Variants in CFAP299 observed in about 807,000 individuals in gnomAD.
CFAP299 encodes cilia and flagella associated protein 299.
CFAP299 carries 21 observed loss-of-function variants against 27.0 expected under a neutral mutation model. That is an observed-to-expected ratio of 0.78 (90% CI 0.55 to 1.12). The LOEUF is 1.12. Ranked by LOEUF, CFAP299 falls within the 50% of genes most tolerant of loss-of-function variation. The pLI, the probability that CFAP299 is intolerant of heterozygous loss-of-function variation, is 0.00. For synonymous variants in CFAP299, 104 were observed against 98.1 expected (o/e 1.06, Z -0.36); for missense variants, 310 against 276.6 (o/e 1.12, Z -0.86).
chr4:80,861,109 C>T (rs948773632), intron 3 of CFAP299, among the ~76,000 whole-genome samples: 4 of 152,222 alleles, frequency 2.6e-5, no homozygotes, highest in African/African-American at 7.2e-5. Flanking sequence ...CAAGCCTGGA[C>T]AATGGCGGGC....
chr4:80,562,693 TAAC>T (rs1553934468), intron 2 of CFAP299, among the ~76,000 whole-genome samples: 16 of 128,620 alleles, frequency 1.2e-4, no homozygotes, highest in African/African-American at 1.5e-4. Context: ...ATAATAATAA[TAAC>T]AACAACAACA....
At chr4:80,536,838 G>A (rs1031526624) in intron 2 of CFAP299, among the ~76,000 whole-genome samples, 15 of 151,922 alleles carry the variant, frequency 9.9e-5, no homozygotes, top group African/African-American at 3.4e-4. Context: ...TAAAACCCAG[G>A]CAGCAACAGC....
intron 3 of CFAP299, among the ~76,000 whole-genome samples, chr4:80,618,938 C>T (rs886204377): frequency 1.3e-5 from 2 of 151,848 alleles, no homozygotes; most frequent in Non-Finnish European, 2.9e-5. Context: ...GAAAACCGTG[C>T]TAAAATTATT....
intron 4 of CFAP299, chr4:80,871,723 C>T (rs1733107284): frequency 1.4e-6 from 1 of 729,928 alleles, no homozygotes; most frequent in African/African-American, 1.9e-5. Flanking sequence ...TATCTCATTT[C>T]ACCTGCAAAC....
At chr4:80,695,018 C>G (rs1419479444) in intron 3 of CFAP299, among the ~76,000 whole-genome samples, 1 of 152,140 alleles carries the variant, frequency 6.6e-6, no homozygotes, top group African/African-American at 2.4e-5. Flanking sequence ...CTAACAAACC[C>G]TTTACACTCT....
rs1174909337 is a variant in CFAP299, at chr4:80,558,358, G to GT, written c.243-24732dup. Among the ~76,000 whole-genome samples, 145 of 121,666 alleles carry GT rather than the reference G, an allele frequency of 1.2e-3. 2 individuals are homozygous for GT. Among genetic ancestry groups the GT allele is most frequent in the African/African-American group, 4.3e-3 (130 of 30,110 alleles). The allele number at this position is 121,666 out of a possible 152,430, so 79.8% of individuals were successfully genotyped here. On this transcript the variant is annotated intron_variant, in intron 2 of 5. Transcript: ENST00000358105. ...TTGTGGTTTTTTTGTTTGTTTGTTT[G>GT]TTTGTTTGTTTTTTTTTTGGCCAGG... is the stretch of plus-strand genomic sequence containing the variant.
intron 3 of CFAP299, among the ~76,000 whole-genome samples, chr4:80,600,272 T>C (rs542253321): frequency 6.6e-6 from 1 of 152,254 alleles, no homozygotes; most frequent in East Asian, 1.9e-4. Context: ...CTGATATAAC[T>C]AGTCCAAAGA....
intron 2 of CFAP299, among the ~76,000 whole-genome samples, chr4:80,427,575 A>G (rs1484017646): frequency 6.6e-6 from 1 of 152,180 alleles, no homozygotes; most frequent in Non-Finnish European, 1.5e-5. Flanking sequence ...TGTGATATGC[A>G]CATTTCTGTA....
intron 2 of CFAP299, among the ~76,000 whole-genome samples, chr4:80,364,063 G>A (rs180982214): frequency 0.036 from 1,284 of 36,160 alleles, 24 homozygotes; most frequent in African/African-American, 0.2. Flanking sequence ...CTCCAGCCTG[G>A]GCAACAGAGC....
intron 2 of CFAP299, among the ~76,000 whole-genome samples, chr4:80,510,269 G>A (rs1732232280): frequency 6.6e-6 from 1 of 152,126 alleles, no homozygotes; most frequent in African/African-American, 2.4e-5. Flanking sequence ...TTACAAGAAG[G>A]ATTTAGTGGA....
intron 3 of CFAP299, among the ~76,000 whole-genome samples, chr4:80,766,657 C>T (rs1425154137): frequency 6.6e-6 from 1 of 152,064 alleles, no homozygotes; most frequent in African/African-American, 2.4e-5. Context: ...TCCTTTGTTC[C>T]CTTTACTATA....
chr4:80,894,914 G>A (rs1734540217), intron 4 of CFAP299, among the ~76,000 whole-genome samples: 1 of 151,756 alleles, frequency 6.6e-6, no homozygotes, highest in Admixed American at 6.6e-5. Flanking sequence ...GACACAGGAA[G>A]AAAAATACTG....
intron 2 of CFAP299, among the ~76,000 whole-genome samples, chr4:80,514,092 G>T (rs774233731): frequency 3.3e-5 from 5 of 151,800 alleles, no homozygotes; most frequent in Admixed American, 2.6e-4. Flanking sequence ...GTGTTTTTTT[G>T]TTTGTTTGTT....
intron 2 of CFAP299, among the ~76,000 whole-genome samples, chr4:80,572,664 T>A (rs1331247597): frequency 6.6e-6 from 1 of 151,584 alleles, no homozygotes; most frequent in Non-Finnish European, 1.5e-5. Flanking sequence ...ATTACAGACA[T>A]GCGTCACCAC....
At chr4:80,478,103 T>G (rs758078044) in intron 2 of CFAP299, among the ~76,000 whole-genome samples, 1 of 152,228 alleles carries the variant, frequency 6.6e-6, no homozygotes, top group African/African-American at 2.4e-5. Flanking sequence ...TCCTTCCTCA[T>G]ATATTATTTA....
chr4:80,679,096 C>T (rs1181366888), intron 3 of CFAP299, among the ~76,000 whole-genome samples: 1 of 152,048 alleles, frequency 6.6e-6, no homozygotes, highest in African/African-American at 2.4e-5. Flanking sequence ...CTCTGTTAAC[C>T]TCTAGGCTGC....
intron 3 of CFAP299, among the ~76,000 whole-genome samples, chr4:80,672,535 G>A (rs1027381695): frequency 6.6e-6 from 1 of 152,184 alleles, no homozygotes; most frequent in African/African-American, 2.4e-5. Context: ...AGTTAGGGAG[G>A]ATTCCCTCTT....
intron 2 of CFAP299, among the ~76,000 whole-genome samples, chr4:80,397,192 T>C (rs1471704586): frequency 6.6e-6 from 1 of 152,180 alleles, no homozygotes; most frequent in East Asian, 1.9e-4. Context: ...TATTATCTGA[T>C]GGTAGTTTGT....
intron 2 of CFAP299, among the ~76,000 whole-genome samples, chr4:80,420,895 A>G (rs550044669): frequency 2.0e-5 from 3 of 152,072 alleles, no homozygotes; most frequent in African/African-American, 4.8e-5. Context: ...AGCTCCTTTC[A>G]TATTTACTTT....
Sources: gnomAD v4.1 joint callset for allele counts (sites outside exome capture counted in the v4.1 genomes callset) on GRCh38, gnomAD v4.1.1 for gene constraint, MANE v1.5 for transcripts, NCBI Gene and HGNC (gene_info 2026-07-23, HGNC 2026-07-21) for gene names.